CALB2: variants seen among roughly 807,000 people sequenced by gnomAD.
The protein encoded by CALB2 is calbindin 2.
In CALB2, 34 loss-of-function variants were observed where a neutral mutation model predicts 45.9. That is an observed-to-expected ratio of 0.74 (90% confidence interval 0.56 to 0.99). The LOEUF (loss-of-function observed/expected upper bound fraction) is 0.99. Ranked by LOEUF, CALB2 falls within the 50% of genes least tolerant of loss-of-function variation. The probability of loss-of-function intolerance (pLI) is 0.00; values close to 1 mark genes in which losing one functional copy is unlikely to be tolerated. For synonymous variants in CALB2, 142 were observed against 129.6 expected (o/e 1.10, Z -0.65); for missense variants, 344 against 339.3 (o/e 1.01, Z -0.11).
chr16:71,367,788 T>G (rs1010665823), intron 1 of CALB2, among the ~76,000 whole-genome samples: 3 of 152,158 alleles, frequency 2.0e-5, no homozygotes, highest in African/African-American at 7.2e-5. Flanking sequence ...TTTGTTGAGG[T>G]GCCCAGAGGG....
At position 71,358,899 on chromosome 16, in the gene CALB2, C is replaced by T. The variant is rs762410004; in HGVS notation, c.94+13C>T. ...TTTGACGCAGACGGTCAGTAAAGCTCCCAACTTCTGTGCCCATTGGCACCC... is the reference window on the plus strand; with the variant it reads ...TTTGACGCAGACGGTCAGTAAAGCTTCCAACTTCTGTGCCCATTGGCACCC... On this transcript the variant is annotated intron_variant, in intron 1 of 10. Coordinates refer to ENST00000302628, the MANE Select transcript of CALB2 (RefSeq NM_001740.5). The T allele has an allele frequency of 4.3e-6, 7 of 1,610,402 alleles. No individual in the cohort carries two copies. In the South Asian group the frequency reaches 6.6e-5, roughly 15 times the overall value.
intron 1 of CALB2, among the ~76,000 whole-genome samples, chr16:71,364,704 G>A (rs1364711696): frequency 2.6e-5 from 4 of 152,226 alleles, no homozygotes; most frequent in East Asian, 3.9e-4. Flanking sequence ...CCAGAACCAC[G>A]GGTCCAAAGC....
rs2042358343 is a variant in CALB2, at chr16:71,372,138, T to G, written c.95-15T>G. 6.3e-7 allele frequency: 1 copy of G among 1,582,760 alleles called. No individual in the cohort carries two copies. ...ATTTAGTGCTGAGATTGATTTTTTC[T>G]CTCTCTTTTTACAGGAAATGGGTAT... On this transcript the variant is annotated splice_polypyrimidine_tract_variant and intron_variant, in intron 1 of 10. Transcript: ENST00000302628.
chr16:71,363,974 C>T (rs28680662), intron 1 of CALB2, among the ~76,000 whole-genome samples: 7,247 of 152,190 alleles, frequency 0.048, 538 homozygotes, highest in African/African-American at 0.16. Context: ...ATATGAGGCT[C>T]TCAGGGAACA....
intron 8 of CALB2, 38 bp from the exon 9 acceptor site, chr16:71,384,745 C>A (rs754098924): frequency 7.0e-7 from 1 of 1,418,892 alleles, no homozygotes; most frequent in Admixed American, 1.9e-5. Flanking sequence ...CACACCACTG[C>A]GCTTCTGCTT....
chr16:71,389,349 G>A (rs898968961), intron 10 of CALB2, among the ~76,000 whole-genome samples: 3 of 152,176 alleles, frequency 2.0e-5, no homozygotes, highest in African/African-American at 7.2e-5. Context: ...CAGTGAGGTC[G>A]AGGAAATATA....
At position 71,389,826 on chromosome 16, in the gene CALB2, G is replaced by A. The variant is rs775274073; in HGVS notation, c.777G>A (p.Lys259=). 1 of 1,613,992 alleles carries A rather than the reference G, an allele frequency of 6.2e-7. No individual in the cohort carries two copies. Among genetic ancestry groups the A allele is most frequent in the Non-Finnish European group, 8.5e-7 (1 of 1,179,988 alleles). ...SLAEAGKLYR[K]DLEIVLCSEP... is the part of the protein sequence containing the mutation. ...CAGAGGCAGGGAAGCTCTACCGCAAGGACCTGGAGATTGTGCTCTGCAGCG... is the reference window on the plus strand; with the variant it reads ...CAGAGGCAGGGAAGCTCTACCGCAAAGACCTGGAGATTGTGCTCTGCAGCG... Residue 259 remains lysine, a synonymous_variant, in exon 11 of 11, where the codon AAG becomes AAA. Transcript: ENST00000302628.
intron 3 of CALB2, among the ~76,000 whole-genome samples, chr16:71,376,659 C>A (rs62055050): frequency 0.13 from 20,219 of 151,842 alleles, 1,433 homozygotes; most frequent in South Asian, 0.18. Context: ...CCACATACAG[C>A]CATATACACC....
At chr16:71,368,768 G>C (rs914585557) in intron 1 of CALB2, among the ~76,000 whole-genome samples, 1 of 152,058 alleles carries the variant, frequency 6.6e-6, no homozygotes, top group African/African-American at 2.4e-5. Context: ...CCATAGTGAG[G>C]GCTCAAATTA....
chr16:71,378,726 G>A (rs1434642759), intron 4 of CALB2, among the ~76,000 whole-genome samples: 1 of 152,170 alleles, frequency 6.6e-6, no homozygotes, highest in East Asian at 1.9e-4. Context: ...GTGGGGATTT[G>A]TTGTGGTCAT....
intron 1 of CALB2, among the ~76,000 whole-genome samples, chr16:71,369,042 C>A (rs1233480463): frequency 6.6e-6 from 1 of 152,140 alleles, no homozygotes; most frequent in Non-Finnish European, 1.5e-5. Flanking sequence ...TGGGGCGGGG[C>A]TCCGTGCTAG....
chr16:71,371,816 G>A (rs7202726), intron 1 of CALB2, among the ~76,000 whole-genome samples: 5,139 of 152,184 alleles, frequency 0.034, 296 homozygotes, highest in African/African-American at 0.12. Context: ...ACCAGGTCCC[G>A]CCACTTGCTG....
intron 10 of CALB2, among the ~76,000 whole-genome samples, chr16:71,388,403 A>G (rs2145008374): frequency 6.6e-6 from 1 of 152,154 alleles, no homozygotes; most frequent in East Asian, 1.9e-4. Flanking sequence ...AGTGGGGGAG[A>G]AGGAAAGAAA....
intron 2 of CALB2, among the ~76,000 whole-genome samples, chr16:71,373,011 A>G (rs2042370420): frequency 6.6e-6 from 1 of 152,164 alleles, no homozygotes; most frequent in Non-Finnish European, 1.5e-5. Flanking sequence ...CCCCTTAGTG[A>G]CAGGAGTGTT....
At chr16:71,378,016 G>A (rs1049700583) in intron 4 of CALB2, among the ~76,000 whole-genome samples, 1 of 152,072 alleles carries the variant, frequency 6.6e-6, no homozygotes, top group African/African-American at 2.4e-5. Context: ...TGAGGTCAGG[G>A]GTTCGAGACC....
intron 4 of CALB2, among the ~76,000 whole-genome samples, chr16:71,381,170 CAAACT>C (rs1228982012): frequency 1.3e-5 from 2 of 152,210 alleles, no homozygotes; most frequent in Non-Finnish European, 2.9e-5. Context: ...TCAACTTAGA[CAAACT>C]AAACTGTAAT....
In CALB2 at chr16:71,390,012, G is replaced by A. The variant is rs1487982987; in HGVS notation, c.*147G>A. On this transcript the variant is annotated 3_prime_UTR_variant, in exon 11 of 11. Coordinates refer to ENST00000302628, the MANE Select transcript of CALB2 (RefSeq NM_001740.5). ...CCTGCAGAGCAGGAAATGAGAGATA[G>A]AGGATGGGCAGCTGGGGGGCTGTCC... 1.6e-6 allele frequency: 1 copy of A among 621,240 alleles called. No homozygotes were observed. The highest frequency in any genetic ancestry group is 1.9e-5 in the African/African-American group (1 of 53,270). 38.5% of individuals were successfully genotyped at this position (621,240 alleles called of 1,614,324 possible).
chr16:71,386,809 T>G (rs1023144931), intron 10 of CALB2, among the ~76,000 whole-genome samples: 113 of 152,356 alleles, frequency 7.4e-4, no homozygotes, highest in African/African-American at 2.5e-3. Context: ...TCTATTCATC[T>G]CCCTTTCCAA....
At chr16:71,370,484 A>G (rs114918009) in intron 1 of CALB2, among the ~76,000 whole-genome samples, 2,936 of 138,580 alleles carry the variant, frequency 0.021, 99 homozygotes, top group African/African-American at 0.083. Flanking sequence ...GGGAGTGTTA[A>G]AAAAAAAAAA....
Sources: gnomAD v4.1 joint callset for allele counts (sites outside exome capture counted in the v4.1 genomes callset) on GRCh38, gnomAD v4.1.1 for gene constraint, MANE v1.5 for transcripts, NCBI Gene and HGNC (gene_info 2026-07-23, HGNC 2026-07-21) for gene names.